Variants in NEDD4L observed in about 807,000 individuals in gnomAD.
NEDD4L encodes the protein NEDD4 like E3 ubiquitin protein ligase.
Under a neutral mutation model 148.9 loss-of-function variants are expected in NEDD4L, and 54 were observed. That is an observed-to-expected ratio of 0.36 (90% CI 0.29 to 0.45). The LOEUF (loss-of-function observed/expected upper bound fraction) is 0.45, where lower values mean the gene tolerates loss of function less well. NEDD4L is among the 20% of genes least tolerant of loss of function. The probability of loss-of-function intolerance (pLI) is 1.00; values close to 1 mark genes in which losing one functional copy is unlikely to be tolerated. For missense variants in NEDD4L, 856 were observed against 1,233.8 expected (o/e 0.69, Z 4.59); for synonymous variants, 433 against 440.7 (o/e 0.98, Z 0.22).
chr18:58,176,821 C>T (rs951986490), intron 2 of NEDD4L, among the ~76,000 whole-genome samples: 4 of 152,196 alleles, frequency 2.6e-5, no homozygotes, highest in African/African-American at 9.7e-5. Context: ...CCCTCGTTTT[C>T]TTCAGTCTAG....
chr18:58,330,924 G>GCT lies in NEDD4L; in HGVS notation c.990+10_990+11insCT. On this transcript the variant is annotated intron_variant, in intron 11 of 30. Transcript: ENST00000400345. ...GTTCAGCTCTTTGATTGTAAGTAGTGGCCTTGTTTGAAAGAAAAGCTGAGC... is the reference window on the plus strand; with the variant it reads ...GTTCAGCTCTTTGATTGTAAGTAGTGCTGCCTTGTTTGAAAGAAAAGCTGAGC... 6.2e-7 allele frequency: 1 copy of GCT among 1,611,114 alleles called. No homozygotes were observed. Among genetic ancestry groups the GCT allele is most frequent in the South Asian group, 1.1e-5 (1 of 90,676 alleles).
intron 2 of NEDD4L, among the ~76,000 whole-genome samples, chr18:58,231,825 A>G (rs577308347): frequency 1.3e-5 from 2 of 152,312 alleles, no homozygotes; most frequent in Admixed American, 6.5e-5. Flanking sequence ...TGGCCTCCCA[A>G]GGTGCTGGGA....
Position 58,256,787 on chromosome 18 carries a change from CGTGTTTACAT to C in NEDD4L, c.297+4742_297+4751del, listed in dbSNP as rs976174049. ...AGCTGACACCACGGTAAGTTCACAG[CGTGTTTACAT>C]GTGTTTACTGATTTCAACTTCGATG... On this transcript the variant is annotated intron_variant, in intron 5 of 30. Transcript: ENST00000400345. The surrounding 1 kb of genome is among the most constrained non-coding windows in gnomAD (Gnocchi z 5.2). 1.5e-5 allele frequency: 18 copies of C among 1,231,592 alleles called. No individual in the cohort carries two copies. Among genetic ancestry groups the C allele is most frequent in the Non-Finnish European group, 1.8e-5 (18 of 987,866 alleles). 76.3% of individuals were successfully genotyped at this position (1,231,592 alleles called of 1,614,324 possible).
intron 1 of NEDD4L, among the ~76,000 whole-genome samples, chr18:58,129,398 AGAG>A (rs1409412680): frequency 1.3e-5 from 2 of 152,382 alleles, no homozygotes; most frequent in South Asian, 2.1e-4. Context: ...TTAGATAAAA[AGAG>A]AGGAAACACA....
chr18:58,395,558 A>G (rs555049460), intron 30 of NEDD4L, among the ~76,000 whole-genome samples: 1 of 151,962 alleles, frequency 6.6e-6, no homozygotes, highest in Non-Finnish European at 1.5e-5. Context: ...GCAAATGTCA[A>G]TTTTGCCTGA....
intron 1 of NEDD4L, among the ~76,000 whole-genome samples, chr18:58,069,595 G>A (rs1306750068): frequency 6.6e-6 from 1 of 152,124 alleles, no homozygotes; most frequent in Admixed American, 6.5e-5. Context: ...GCACACGAAT[G>A]GGAAGTGTTA....
intron 1 of NEDD4L, among the ~76,000 whole-genome samples, chr18:58,140,061 C>A (rs1176686924): frequency 6.6e-6 from 1 of 152,122 alleles, no homozygotes; most frequent in Non-Finnish European, 1.5e-5. Flanking sequence ...GGGGGCTTCC[C>A]AGGGAATCCA....
intron 2 of NEDD4L, among the ~76,000 whole-genome samples, chr18:58,226,905 G>T (rs532980260): frequency 1.3e-5 from 2 of 151,288 alleles, no homozygotes. Flanking sequence ...CAAGCCATCC[G>T]TTAAAAAAAA....
chr18:58,297,538 A>G (rs1214234840), intron 5 of NEDD4L, among the ~76,000 whole-genome samples: 4 of 152,168 alleles, frequency 2.6e-5, no homozygotes, highest in Non-Finnish European at 4.4e-5. Context: ...CCTGAGAGCC[A>G]GATAGTGGTA....
At chr18:58,097,268 T>C (rs2084474663) in intron 1 of NEDD4L, among the ~76,000 whole-genome samples, 2 of 152,168 alleles carry the variant, frequency 1.3e-5, no homozygotes, top group South Asian at 2.1e-4. Flanking sequence ...GTTAAGAACA[T>C]GGAGAGAGCA....
intron 25 of NEDD4L, among the ~76,000 whole-genome samples, chr18:58,384,890 G>A (rs924530301): frequency 6.6e-6 from 1 of 152,224 alleles, no homozygotes; most frequent in Non-Finnish European, 1.5e-5. Flanking sequence ...CTTGCGATCA[G>A]TTTTGCTGTG....
Position 58,075,137 on chromosome 18 carries a change from C to T in NEDD4L, c.48+30429C>T, listed in dbSNP as rs142886439. On this transcript the variant is annotated intron_variant, in intron 1 of 30. Transcript: ENST00000400345. The stretch of plus-strand genomic sequence containing the variant: ...ATGATGGAGTTTTAGGACCAGAAAG[C>T]GTCGTAGTAGCAGAGACTTCTCGTC... 5.1e-4 allele frequency among the ~76,000 whole-genome samples: 78 copies of T among 152,246 alleles called. 1 individual carries two copies. The highest frequency in any genetic ancestry group is 1.6e-3 in the African/African-American group (66 of 41,556).
intron 1 of NEDD4L, among the ~76,000 whole-genome samples, chr18:58,094,931 C>T (rs1232931163): frequency 2.0e-5 from 3 of 151,242 alleles, no homozygotes; most frequent in African/African-American, 7.3e-5. Context: ...AGGGATTTCC[C>T]TGTTCATGGC....
rs142197728 is a variant in NEDD4L at position 58,060,878 on chromosome 18, C to T, written c.48+16170C>T. On this transcript the variant is annotated intron_variant, in intron 1 of 30. Coordinates refer to ENST00000400345, the MANE Select transcript of NEDD4L (RefSeq NM_001144967.3). ...GGTTCAAGCGATTCTCCTGCCTCAGCCTCACGAGTAGCTGGGGTTACAGGT... is the reference window on the plus strand; with the variant it reads ...GGTTCAAGCGATTCTCCTGCCTCAGTCTCACGAGTAGCTGGGGTTACAGGT... Among the ~76,000 whole-genome samples, 464 of 152,254 alleles carry T rather than the reference C, an allele frequency of 3.0e-3. 4 individuals carry two copies. The highest frequency in any genetic ancestry group is 0.011 in the African/African-American group (440 of 41,528).
At chr18:58,115,245 C>CTTTTTTTTTTT (rs60541981) in intron 1 of NEDD4L, among the ~76,000 whole-genome samples, 7 of 129,538 alleles carry the variant, frequency 5.4e-5, no homozygotes, top group Non-Finnish European at 8.0e-5. Flanking sequence ...TTCTTTCTTT[C>CTTTTTTTTTTT]TTTTTTTTTT....
At chr18:58,330,578 C>G (rs2059706854) in intron 10 of NEDD4L, among the ~76,000 whole-genome samples, 160 bp from the exon 11 acceptor site, 1 of 152,140 alleles carries the variant, frequency 6.6e-6, no homozygotes, top group Non-Finnish European at 1.5e-5. Flanking sequence ...GAGTTATCTT[C>G]CTCGTGATTA....
At chr18:58,304,463 A>G (rs143744106) in intron 5 of NEDD4L, among the ~76,000 whole-genome samples, 31 of 152,230 alleles carry the variant, frequency 2.0e-4, no homozygotes, top group African/African-American at 7.2e-4. Context: ...ACAGTGAGCT[A>G]TGTTTGTGAC....
intron 1 of NEDD4L, among the ~76,000 whole-genome samples, chr18:58,139,445 C>G (rs1437126924): frequency 6.6e-6 from 1 of 152,060 alleles, no homozygotes; most frequent in Non-Finnish European, 1.5e-5. Context: ...ATAATCCTAT[C>G]AACTTTAGGA....
chr18:58,357,519 T>G, intron 19 of NEDD4L: 1 of 624,502 alleles, frequency 1.6e-6, no homozygotes, highest in South Asian at 1.5e-5. Context: ...TATAAAAGGG[T>G]GGACTATAAG....
Sources: allele counts gnomAD v4.1 joint callset (sites outside exome capture counted in the v4.1 genomes callset), GRCh38; gene constraint gnomAD v4.1.1; non-coding constraint Gnocchi (gnomAD v3.1); transcripts MANE v1.5; gene names NCBI Gene and HGNC (gene_info 2026-07-23, HGNC 2026-07-21).